SYNDIG1: variants seen among roughly 807,000 people sequenced by gnomAD.
SYNDIG1 encodes the protein synapse differentiation-inducing gene protein 1.
Under a neutral mutation model 19.4 loss-of-function variants are expected in SYNDIG1, and 9 were observed. That is an observed-to-expected ratio of 0.46 (90% confidence interval 0.28 to 0.81). The LOEUF (loss-of-function observed/expected upper bound fraction) is 0.81. SYNDIG1 is among the 30% of genes least tolerant of loss of function. The probability of loss-of-function intolerance (pLI) is 0.12; values close to 1 mark genes in which losing one functional copy is unlikely to be tolerated. For synonymous variants in SYNDIG1, 141 were observed against 145.9 expected (o/e 0.97, Z 0.24); for missense variants, 311 against 343.3 (o/e 0.91, Z 0.74).
chr20:24,664,729 C>G (rs2059632392), intron 3 of SYNDIG1, among the ~76,000 whole-genome samples: 1 of 152,142 alleles, frequency 6.6e-6, no homozygotes, highest in Non-Finnish European at 1.5e-5. Flanking sequence ...TAACGCCAAC[C>G]ATGTCCAGGG....
chr20:24,498,712 TC>T (rs1320733262), intron 1 of SYNDIG1, among the ~76,000 whole-genome samples: 2 of 152,246 alleles, frequency 1.3e-5, no homozygotes, highest in African/African-American at 4.8e-5. Context: ...TAGCATAATG[TC>T]CTTCAGGCTT....
intron 1 of SYNDIG1, among the ~76,000 whole-genome samples, chr20:24,498,351 TAA>T (rs2056352083): frequency 6.6e-6 from 1 of 152,232 alleles, no homozygotes; most frequent in African/African-American, 2.4e-5. Context: ...AGCAAAATTA[TAA>T]GTGTATATTA....
rs377441258 is a variant in SYNDIG1, at chr20:24,538,772, CG to C, written c.-78-4247del. On this transcript the variant is annotated intron_variant, in intron 1 of 3. Coordinates refer to ENST00000376862, the MANE Select transcript of SYNDIG1 (RefSeq NM_024893.3). ...ATCCTCACCAACACTTGTTATTTTC[CG>C]TTTTTTTTTTTAACAGTAGCCATCC... Among the ~76,000 whole-genome samples, 57 of 104,268 alleles carry C rather than the reference CG, an allele frequency of 5.5e-4. 1 individual carries two copies. The highest frequency in any genetic ancestry group is 1.7e-3 in the African/African-American group (53 of 30,982). 68.4% of individuals were successfully genotyped at this position (104,268 alleles called of 152,430 possible).
At chr20:24,513,912 C>G (rs1028030249) in intron 1 of SYNDIG1, among the ~76,000 whole-genome samples, 2 of 152,214 alleles carry the variant, frequency 1.3e-5, no homozygotes, top group African/African-American at 4.8e-5. Flanking sequence ...ACCCATCAGA[C>G]TAACACGGAT....
At chr20:24,564,934 T>C (rs1568645936) in intron 2 of SYNDIG1, among the ~76,000 whole-genome samples, 1 of 152,206 alleles carries the variant, frequency 6.6e-6, no homozygotes, top group East Asian at 1.9e-4. Context: ...TTGTGCCCCA[T>C]GTACCAGACC....
chr20:24,633,372 C>T (rs2059274135), intron 3 of SYNDIG1, among the ~76,000 whole-genome samples: 1 of 152,198 alleles, frequency 6.6e-6, no homozygotes, highest in African/African-American at 2.4e-5. Flanking sequence ...TGCGTGATGC[C>T]CCTGCTGTGC....
chr20:24,499,773 G>A (rs897722654), intron 1 of SYNDIG1, among the ~76,000 whole-genome samples: 9 of 152,164 alleles, frequency 5.9e-5, no homozygotes, highest in African/African-American at 1.4e-4. Flanking sequence ...CCTTGGTAAG[G>A]CAAGGAGTGA....
At chr20:24,664,525 AC>A (rs1324110938) in intron 3 of SYNDIG1, among the ~76,000 whole-genome samples, 4 of 151,766 alleles carry the variant, frequency 2.6e-5, no homozygotes, top group Non-Finnish European at 4.4e-5. Flanking sequence ...GTAGCATCTC[AC>A]CCCATCTGCC....
At chr20:24,639,892 T>C (rs1280359712) in intron 3 of SYNDIG1, among the ~76,000 whole-genome samples, 10 of 152,232 alleles carry the variant, frequency 6.6e-5, no homozygotes, top group Non-Finnish European at 1.3e-4. Flanking sequence ...TTACCAGATA[T>C]CTCACCATAT....
intron 3 of SYNDIG1, among the ~76,000 whole-genome samples, chr20:24,645,794 G>A (rs967951798): frequency 2.6e-5 from 4 of 152,202 alleles, no homozygotes; most frequent in African/African-American, 9.6e-5. Context: ...AAAATGCTCA[G>A]CAAATCATTT....
intron 3 of SYNDIG1, among the ~76,000 whole-genome samples, chr20:24,641,029 T>C (rs1231366914): frequency 6.6e-6 from 1 of 152,226 alleles, no homozygotes; most frequent in Non-Finnish European, 1.5e-5. Context: ...TCTTACAATC[T>C]TAAACCTCCT....
At chr20:24,509,672 GT>G (rs1157485884) in intron 1 of SYNDIG1, among the ~76,000 whole-genome samples, 2 of 152,142 alleles carry the variant, frequency 1.3e-5, no homozygotes, top group African/African-American at 2.4e-5. Context: ...GGTTCATTCA[GT>G]TTTTGTACAA....
chr20:24,542,891 T>G (rs1157024623), intron 1 of SYNDIG1, 129 bp from the exon 2 acceptor site: 1 of 725,276 alleles, frequency 1.4e-6, no homozygotes, highest in East Asian at 2.8e-5. Context: ...GGACTGCATT[T>G]TATCTAACTC....
chr20:24,593,416 G>A (rs139697672), intron 3 of SYNDIG1, among the ~76,000 whole-genome samples: 7 of 152,282 alleles, frequency 4.6e-5, no homozygotes, highest in African/African-American at 1.7e-4. Flanking sequence ...TGGTGTACAT[G>A]TACCACATTT....
chr20:24,661,196 G>A (rs892711202), intron 3 of SYNDIG1, among the ~76,000 whole-genome samples: 3 of 152,240 alleles, frequency 2.0e-5, no homozygotes, highest in Admixed American at 2.0e-4. Flanking sequence ...GGGGCGGGGA[G>A]GTCCCCGTCA....
At chr20:24,504,195 T>G (rs945081513) in intron 1 of SYNDIG1, among the ~76,000 whole-genome samples, 2 of 152,130 alleles carry the variant, frequency 1.3e-5, no homozygotes, top group African/African-American at 4.8e-5. Flanking sequence ...CCTGACCTCG[T>G]GATCCGCCCG....
chr20:24,651,101 A>G (rs1164815378), intron 3 of SYNDIG1, among the ~76,000 whole-genome samples: 1 of 152,034 alleles, frequency 6.6e-6, no homozygotes, highest in African/African-American at 2.4e-5. Flanking sequence ...GCCTCCTTAT[A>G]TTCATATGTG....
chr20:24,518,053 G>A, intron 1 of SYNDIG1, among the ~76,000 whole-genome samples: 1 of 151,786 alleles, frequency 6.6e-6, no homozygotes, highest in East Asian at 1.9e-4. Flanking sequence ...TGATCCACCT[G>A]CCTCAGCTTC....
chr20:24,588,311 C>T (rs1367888211), intron 3 of SYNDIG1, among the ~76,000 whole-genome samples: 2 of 152,198 alleles, frequency 1.3e-5, no homozygotes, highest in African/African-American at 4.8e-5. Context: ...ACAGACACAC[C>T]TTTCCCAGCA....
Sources: allele counts gnomAD v4.1 joint callset (sites outside exome capture counted in the v4.1 genomes callset), GRCh38; gene constraint gnomAD v4.1.1; transcripts MANE v1.5; gene names NCBI Gene and HGNC (gene_info 2026-07-23, HGNC 2026-07-21).